The following EIF2S3B variants were observed in gnomAD, a reference collection of about 807,000 sequenced individuals.
The protein encoded by EIF2S3B is eukaryotic translation initiation factor 2 subunit gamma B, also known as eukaryotic translation initiation factor 2 subunit 3B.
EIF2S3B carries 16 observed loss-of-function variants against 26.4 expected under a neutral mutation model. The ratio of observed to expected loss-of-function variants is 0.61; its 90% CI spans 0.41 to 0.92. The LOEUF is 0.92. Among genes scored for constraint, EIF2S3B ranks in the 40% least tolerant of loss-of-function variants. The pLI is 0.00. For synonymous variants in EIF2S3B, 183 were observed against 204.4 expected, an observed-to-expected ratio of 0.90 and a Z score of 0.89; for missense variants, 510 against 575.5, an observed-to-expected ratio of 0.89 and a Z score of 1.16.
At chr12:10,511,652 A>C (rs1046335744), downstream of EIF2S3B, among the ~76,000 whole-genome samples, 3 of 152,216 alleles carry the variant, frequency 2.0e-5, no homozygotes, top group African/African-American at 2.4e-5. Flanking sequence ...TAAAGAATTC[A>C]GCTGGCTTTT....
At chr12:10,522,715 A>C in exon 2 of EIF2S3B, 1 of 684,568 alleles carries the variant, frequency 1.5e-6, no homozygotes, top group Non-Finnish European at 2.7e-6. Context: ...TCTTTCTTTA[A>C]AGAAAAAAGA....
At chr12:10,509,146 TTAAC>T (rs542539524), downstream of EIF2S3B, among the ~76,000 whole-genome samples, 68 of 152,228 alleles carry the variant, frequency 4.5e-4, no homozygotes, top group Non-Finnish European at 7.9e-4. Flanking sequence ...TAAAGAAAGA[TTAAC>T]TATTGCATTA....
chr12:10,506,856 T>G lies in EIF2S3B; in HGVS notation c.954T>G (p.Ile318Met). 1 of 1,613,618 alleles carries G rather than the reference T, an allele frequency of 6.2e-7. No homozygotes were observed. The highest frequency in any genetic ancestry group is 8.5e-7 in the Non-Finnish European group (1 of 1,179,512). ...TGTGTAAATCAATCTTTTCCAAAAT[T>G]GTTTCACTTTTTGCGGAGCATAATG... The part of the protein sequence containing the change: ...KLMCKSIFSK[I>M]VSLFAEHNDL... Residue 318 changes from isoleucine to methionine, a missense_variant, in exon 1 of 1, where the codon ATT (isoleucine) becomes ATG (methionine). Ile to Met is a conservative substitution (Grantham distance 10, BLOSUM62 1). Transcript: ENST00000538173.
At chr12:10,521,910 C>T (rs1864836859) in intron 1 of EIF2S3B, among the ~76,000 whole-genome samples, 1 of 152,160 alleles carries the variant, frequency 6.6e-6, no homozygotes, top group African/African-American at 2.4e-5. Flanking sequence ...AGTTCTAATC[C>T]TTGGTATGCC....
rs1864639446 is a variant in EIF2S3B, at chr12:10,506,882, A to G, written c.980A>G (p.Asp327Gly). ...GTTTCACTTTTTGCGGAGCATAATG[A>G]TCTGCAATATGCTGCTCCAGGCGGT... ...KIVSLFAEHN[D>G]LQYAAPGGLI... The change falls in exon 1 of 1, where the codon GAT becomes GGT. Residue 327 changes from aspartate (D) to glycine (G), a missense_variant. Physicochemically the swap from Asp to Gly is moderately conservative, Grantham distance 94. Coordinates refer to ENST00000538173, the MANE Select transcript of EIF2S3B (RefSeq NM_001357734.3). 6.2e-7 allele frequency: 1 copy of G among 1,613,506 alleles called. No individual in the cohort carries two copies. The highest frequency in any genetic ancestry group is 8.5e-7 in the Non-Finnish European group (1 of 1,179,406).
At chr12:10,512,173 T>TCGCC (rs1234687689), downstream of EIF2S3B, among the ~76,000 whole-genome samples, 1 of 152,172 alleles carries the variant, frequency 6.6e-6, no homozygotes, top group Non-Finnish European at 1.5e-5. Context: ...CCTTTCCTTA[T>TCGCC]CGCCCGCTCA....
chr12:10,519,085 A>G lies in EIF2S3B; in HGVS notation c.1309-3518A>G, dbSNP rs559763458. ...AAGCCAAAAGAACAAAGCTGGAGGC[A>G]TCACGCTACCTGACTTCAAACTATA... On this transcript the variant is annotated intron_variant, in intron 1 of 1. Transcript: ENST00000322446. Among the ~76,000 whole-genome samples the G allele has an allele frequency of 5.3e-5, 8 of 151,058 alleles. No homozygotes were observed. The East Asian group carries it at 9.7e-4, about 18-fold the overall frequency.
At chr12:10,522,354 T>TA (rs1266972236) in intron 1 of EIF2S3B, among the ~76,000 whole-genome samples, 1 of 152,044 alleles carries the variant, frequency 6.6e-6, no homozygotes, top group Non-Finnish European at 1.5e-5. Flanking sequence ...TTTAAATAAA[T>TA]AAAAAATAAA....
At chr12:10,512,341 G>A (rs1864713130), downstream of EIF2S3B, among the ~76,000 whole-genome samples, 1 of 151,846 alleles carries the variant, frequency 6.6e-6, no homozygotes, top group Non-Finnish European at 1.5e-5. Flanking sequence ...AAGGCCAGCT[G>A]GCAAAAAAAT....
chr12:10,513,998 G>C (rs1449217409), intron 1 of EIF2S3B, among the ~76,000 whole-genome samples: 1 of 152,200 alleles, frequency 6.6e-6, no homozygotes, highest in Non-Finnish European at 1.5e-5. Flanking sequence ...CTGGGTGACA[G>C]AGCGAGACTC....
downstream of EIF2S3B, among the ~76,000 whole-genome samples, chr12:10,510,835 A>T (rs994922948): frequency 8.5e-5 from 13 of 152,294 alleles, no homozygotes; most frequent in Middle Eastern, 3.4e-3. Flanking sequence ...TTCCTGCAGG[A>T]AGAAATCTAC....
chr12:10,506,524 C>G lies in EIF2S3B; in HGVS notation c.622C>G (p.Leu208Val), dbSNP rs1312317646. The change falls in exon 1 of 1, where the codon CTT becomes GTT. Residue 208 changes from leucine to valine, a missense_variant. Coordinates refer to ENST00000538173, the MANE Select transcript of EIF2S3B (RefSeq NM_001357734.3). The part of the protein sequence containing the change: ...RQAKEQYEQI[L>V]AFVQGTVAEG... ...GGCTAAAGAACAATACGAGCAGATC[C>G]TTGCGTTTGTCCAAGGTACAGTAGC... 1 of 1,595,200 alleles carries G rather than the reference C, an allele frequency of 6.3e-7. No individual in the cohort carries two copies. The highest frequency in any genetic ancestry group is 8.6e-7 in the Non-Finnish European group (1 of 1,162,738).
chr12:10,513,755 C>A (rs569030359), intron 1 of EIF2S3B, among the ~76,000 whole-genome samples: 8 of 152,194 alleles, frequency 5.3e-5, no homozygotes, highest in Non-Finnish European at 1.2e-4. Flanking sequence ...TGGCTCACGC[C>A]TGTAATCCCA....
intron 1 of EIF2S3B, chr12:10,522,484 T>C (rs1864843225): frequency 1.9e-6 from 1 of 516,712 alleles, no homozygotes; most frequent in African/African-American, 1.9e-5. Flanking sequence ...ATTCAATTAA[T>C]GGAGCTGGGA....
At position 10,506,344 on chromosome 12, in the gene EIF2S3B, G is replaced by A. The variant is rs1864629295; in HGVS notation, c.442G>A (p.Gly148Ser). ...TATTTTGATGGCTACTATGCTGAAC[G>A]GTGCAGCAGTGATGGATGCAGCTCT... ...HDILMATMLNGAAVMDAALLL... is the reference protein window; with the variant it reads ...HDILMATMLNSAAVMDAALLL... The change falls in exon 1 of 1, where the codon GGT becomes AGT. Residue 148 changes from glycine to serine, a missense_variant. Transcript: ENST00000538173. The A allele has an allele frequency of 3.1e-6, 5 of 1,613,988 alleles. No homozygotes were observed. Among genetic ancestry groups the A allele is most frequent in the Non-Finnish European group, 3.4e-6 (4 of 1,180,026 alleles).
Position 10,506,409 on chromosome 12 carries a change from G to C in EIF2S3B, c.507G>C (p.Gln169His). The change falls in exon 1 of 1, where the codon CAG becomes CAC. Residue 169 changes from glutamine to histidine, a missense_variant. Coordinates refer to ENST00000538173, the MANE Select transcript of EIF2S3B (RefSeq NM_001357734.3). ...GTAATGAATCTTGCCCTCAGCCTCA[G>C]ACATCTGAACACCTGGCTGCTATAG... ...IAGNESCPQP[Q>H]TSEHLAAIEI... 6.2e-7 allele frequency: 1 copy of C among 1,613,984 alleles called. No individual in the cohort carries two copies. Among genetic ancestry groups the C allele is most frequent in the Non-Finnish European group, 8.5e-7 (1 of 1,179,888 alleles).
At chr12:10,513,083 T>C (rs1864721102), downstream of EIF2S3B, among the ~76,000 whole-genome samples, 1 of 152,242 alleles carries the variant, frequency 6.6e-6, no homozygotes, top group African/African-American at 2.4e-5. Context: ...TCCTACCTCA[T>C]TCAAAAATGT....
rs1864843314 is a variant in EIF2S3B, at chr12:10,522,486, G to A, written c.1309-117G>A. 3 of 528,104 alleles carry A rather than the reference G, an allele frequency of 5.7e-6. No individual in the cohort carries two copies. The East Asian group carries it at 8.6e-5, about 15-fold the overall frequency. The allele number at this position is 528,104 out of a possible 1,614,324, so 32.7% of individuals were successfully genotyped here. A position where few individuals can be genotyped will look rare whatever the true frequency, so the allele number is the denominator to read the frequency against. On this transcript the variant is annotated intron_variant, in intron 1 of 1. Coordinates refer to the EIF2S3B transcript ENST00000322446. ...AGAACAAAGCATCATTCAATTAATGGAGCTGGGAGAATTAATTATCTAGAA... is the reference window on the plus strand; with the variant it reads ...AGAACAAAGCATCATTCAATTAATGAAGCTGGGAGAATTAATTATCTAGAA...
At position 10,506,100 on chromosome 12, in the gene EIF2S3B, C is replaced by G; in HGVS notation, c.198C>G (p.Thr66=). ...TVVKAISGVH[T]VRFKNELERN... is the part of the protein sequence containing the mutation. ...TCAAAGCTATTTCTGGAGTTCACACCGTCAGGTTCAAAAATGAACTAGAAA... is the reference window on the plus strand; with the variant it reads ...TCAAAGCTATTTCTGGAGTTCACACGGTCAGGTTCAAAAATGAACTAGAAA... The change falls in exon 1 of 1, where the codon ACC becomes ACG. Residue 66 remains threonine, a synonymous_variant. Coordinates refer to ENST00000538173, the MANE Select transcript of EIF2S3B (RefSeq NM_001357734.3). 1.3e-6 allele frequency: 2 copies of G among 1,593,426 alleles called. No homozygotes were observed. Among genetic ancestry groups the G allele is most frequent in the Non-Finnish European group, 1.7e-6 (2 of 1,161,212 alleles).
Sources: gnomAD v4.1 joint callset for allele counts (sites outside exome capture counted in the v4.1 genomes callset) on GRCh38, gnomAD v4.1.1 for gene constraint, MANE v1.5 for transcripts, NCBI Gene and HGNC (gene_info 2026-07-23, HGNC 2026-07-21) for gene names.